Variants in SCTR observed in about 807,000 individuals in gnomAD.
SCTR encodes secretin receptor, also known as pancreatic secretin receptor.
In SCTR, 56 loss-of-function variants were observed where a neutral mutation model predicts 60.8. The observed-to-expected ratio is 0.92, with a 90% confidence interval of 0.74 to 1.15. The LOEUF (loss-of-function observed/expected upper bound fraction) is 1.15, where lower values mean the gene tolerates loss of function less well. Ranked by LOEUF, SCTR falls within the 50% of genes most tolerant of loss-of-function variation. The probability of loss-of-function intolerance (pLI) is 0.00; values close to 1 mark genes in which losing one functional copy is unlikely to be tolerated. For missense variants in SCTR, 562 were observed against 550.4 expected (o/e 1.02, Z -0.21); for synonymous variants, 202 against 217.0 (o/e 0.93, Z 0.61).
intron 1 of SCTR, among the ~76,000 whole-genome samples, chr2:119,522,881 G>A (rs2579617): frequency 0.69 from 104,704 of 152,048 alleles, 36,496 homozygotes; most frequent in East Asian, 0.93. Flanking sequence ...TTGCTCTAGC[G>A]TCTTCCAAGG....
At chr2:119,485,326 A>C (rs1677815930) in intron 2 of SCTR, among the ~76,000 whole-genome samples, 1 of 152,220 alleles carries the variant, frequency 6.6e-6, no homozygotes, top group Admixed American at 6.5e-5. Context: ...GGTCTGAAGC[A>C]GACCCAGCAA....
At chr2:119,513,441 G>C (rs1327948054) in intron 1 of SCTR, among the ~76,000 whole-genome samples, 1 of 152,112 alleles carries the variant, frequency 6.6e-6, no homozygotes. Context: ...GAGATTGTCA[G>C]AGAAAAATCA....
intron 2 of SCTR, among the ~76,000 whole-genome samples, chr2:119,482,904 G>T (rs2104863900): frequency 6.6e-6 from 1 of 152,360 alleles, no homozygotes; most frequent in Admixed American, 6.5e-5. Context: ...GTTGCAGCAG[G>T]ATGCCTCGTT....
chr2:119,500,808 G>C (rs1340498551), intron 1 of SCTR, among the ~76,000 whole-genome samples: 2 of 151,924 alleles, frequency 1.3e-5, no homozygotes, highest in East Asian at 3.9e-4. Flanking sequence ...CTTAGTGTTT[G>C]ATAGATCAGT....
chr2:119,507,678 T>TC lies in SCTR; in HGVS notation c.73-13131_73-13130insG, dbSNP rs56209453. Among the ~76,000 whole-genome samples, 619 of 83,834 alleles carry TC rather than the reference T, an allele frequency of 7.4e-3. 17 individuals are homozygous for TC. Among genetic ancestry groups the TC allele is most frequent in the African/African-American group, 0.02 (549 of 27,316 alleles). 55.0% of individuals were successfully genotyped at this position (83,834 alleles called of 152,430 possible). A position where few individuals can be genotyped will look rare whatever the true frequency, so the allele number is the denominator to read the frequency against. On this transcript the variant is annotated intron_variant, in intron 1 of 12. Coordinates refer to ENST00000019103, the MANE Select transcript of SCTR (RefSeq NM_002980.3). ...CTTTCTCGTTCTTTTTTTTTTTTTT[T>TC]TCTTTTTTTTTTTTTGAGGCAGAGT...
At chr2:119,505,153 C>T (rs1042710839) in intron 1 of SCTR, among the ~76,000 whole-genome samples, 2 of 152,046 alleles carry the variant, frequency 1.3e-5, no homozygotes, top group African/African-American at 4.8e-5. Flanking sequence ...CTAGAAATAC[C>T]ATTTGACCCA....
At chr2:119,517,415 C>T (rs912532090) in intron 1 of SCTR, among the ~76,000 whole-genome samples, 1 of 152,190 alleles carries the variant, frequency 6.6e-6, no homozygotes, top group Non-Finnish European at 1.5e-5. Context: ...CTGCCTCAGC[C>T]TCCCCAAGTG....
At chr2:119,518,353 G>C (rs1157739298) in intron 1 of SCTR, among the ~76,000 whole-genome samples, 1 of 144,264 alleles carries the variant, frequency 6.9e-6, no homozygotes, top group East Asian at 1.9e-4. Flanking sequence ...TGTTGAACAT[G>C]AGAGGGAGGC....
chr2:119,492,586 T>A (rs1227723318), intron 2 of SCTR, among the ~76,000 whole-genome samples: 1 of 152,224 alleles, frequency 6.6e-6, no homozygotes, highest in African/African-American at 2.4e-5. Flanking sequence ...ATTAACCATT[T>A]AAAGTGTACA....
intron 2 of SCTR, among the ~76,000 whole-genome samples, chr2:119,485,145 T>A (rs1677811147): frequency 6.6e-6 from 1 of 152,212 alleles, no homozygotes; most frequent in Non-Finnish European, 1.5e-5. Context: ...GCTACGTGAA[T>A]CTCTAGCCAC....
chr2:119,451,812 C>T (rs1003241520), intron 9 of SCTR, among the ~76,000 whole-genome samples, 198 bp downstream of exon 9: 1 of 152,218 alleles, frequency 6.6e-6, no homozygotes, highest in Non-Finnish European at 1.5e-5. Context: ...CTCCAGCTTA[C>T]CCCTCACTGC....
intron 1 of SCTR, among the ~76,000 whole-genome samples, chr2:119,504,217 T>C (rs1678654290): frequency 6.6e-6 from 1 of 152,216 alleles, no homozygotes; most frequent in Non-Finnish European, 1.5e-5. Context: ...GACAATAAAA[T>C]GAACCTTGAG....
chr2:119,494,517 A>G lies in SCTR; in HGVS notation c.104T>C (p.Leu35Pro). 1 of 1,614,072 alleles carries G rather than the reference A, an allele frequency of 6.2e-7. No homozygotes were observed. Among genetic ancestry groups the G allele is most frequent in the Non-Finnish European group, 8.5e-7 (1 of 1,179,948 alleles). The change falls in exon 2 of 13, where the codon CTA becomes CCA. Residue 35 changes from leucine to proline, a missense_variant. Coordinates refer to ENST00000019103, the MANE Select transcript of SCTR (RefSeq NM_002980.3). ...TGALPRLCDV[L>P]QVLWEEQDQC... Reference sequence around the variant, plus strand: ...GTCTTGCTCTTCCCACAGCACTTGTAGCACGTCACATAGTCGGGGAAGGGC... The same window carrying G: ...GTCTTGCTCTTCCCACAGCACTTGTGGCACGTCACATAGTCGGGGAAGGGC...
intron 2 of SCTR, among the ~76,000 whole-genome samples, chr2:119,484,309 C>T (rs1297248758): frequency 6.6e-6 from 1 of 152,142 alleles, no homozygotes; most frequent in African/African-American, 2.4e-5. Context: ...TCTCTGATGG[C>T]CACCTCCGCC....
intron 1 of SCTR, among the ~76,000 whole-genome samples, chr2:119,518,232 G>A (rs1405121337): frequency 1.3e-5 from 2 of 152,178 alleles, no homozygotes; most frequent in Admixed American, 6.5e-5. Context: ...TAAGACAGAC[G>A]GGAAGGAAAG....
intron 2 of SCTR, among the ~76,000 whole-genome samples, chr2:119,489,291 C>T (rs1465284122): frequency 6.6e-6 from 1 of 152,184 alleles, no homozygotes; most frequent in Non-Finnish European, 1.5e-5. Context: ...CTGCGGGGGC[C>T]TCACCTGCCT....
chr2:119,519,867 A>C (rs2587658), intron 1 of SCTR, among the ~76,000 whole-genome samples: 97,834 of 139,502 alleles, frequency 0.7, 34,325 homozygotes, highest in East Asian at 0.92. Context: ...AAAAAGAAAA[A>C]AAAACAAAAA....
At chr2:119,445,183 G>C (rs1179508947) in intron 11 of SCTR, among the ~76,000 whole-genome samples, 15 of 151,962 alleles carry the variant, frequency 9.9e-5, no homozygotes, top group Admixed American at 9.8e-4. Flanking sequence ...GCAGACCCGG[G>C]TCCAAGCTCT....
At chr2:119,446,719 C>A (rs1682942240) in intron 11 of SCTR, 40 bp downstream of exon 11, 4 of 1,436,564 alleles carry the variant, frequency 2.8e-6, no homozygotes, top group Non-Finnish European at 3.7e-6. Context: ...ACACAGAGAA[C>A]TCCTCTTTTC....
Sources: gnomAD v4.1 joint callset for allele counts (sites outside exome capture counted in the v4.1 genomes callset) on GRCh38, gnomAD v4.1.1 for gene constraint, MANE v1.5 for transcripts, NCBI Gene and HGNC (gene_info 2026-07-23, HGNC 2026-07-21) for gene names.